Variants in ITIH4 observed in about 807,000 individuals in gnomAD.
The protein encoded by ITIH4 is inter-alpha-trypsin inhibitor heavy chain 4.
ITIH4 carries 79 observed loss-of-function variants against 111.8 expected under a neutral mutation model. The observed-to-expected ratio is 0.71, with a 90% CI of 0.59 to 0.85. The LOEUF (loss-of-function observed/expected upper bound fraction) is 0.85, where lower values mean the gene tolerates loss of function less well. Among genes scored for constraint, ITIH4 ranks in the 40% least tolerant of loss-of-function variants. ITIH4 has a pLI of 0.00. For synonymous variants in ITIH4, 472 were observed against 468.3 expected (o/e 1.01, Z -0.10); for missense variants, 1,065 against 1,195.8 (o/e 0.89, Z 1.61).
At chr3:52,813,597 G>C in intron 23 of ITIH4, 107 bp from the exon 24 acceptor site, 3 of 978,750 alleles carry the variant, frequency 3.1e-6, no homozygotes, top group Non-Finnish European at 3.3e-6. Context: ...GGGAGTCCTG[G>C]CGTCCCTTTA....
At chr3:52,822,829 C>T (rs1208869948) in intron 11 of ITIH4, among the ~76,000 whole-genome samples, 1 of 152,164 alleles carries the variant, frequency 6.6e-6, no homozygotes, top group East Asian at 1.9e-4. Context: ...ATTGCCCCAT[C>T]TGGACTCTTC....
chr3:52,824,731 C>T lies in ITIH4; in HGVS notation c.876+111G>A. 2.4e-6 allele frequency: 3 copies of T among 1,240,304 alleles called. No homozygotes were observed. Among genetic ancestry groups the T allele is most frequent in the Non-Finnish European group, 3.4e-6 (3 of 877,908 alleles). The allele number at this position is 1,240,304 out of a possible 1,614,324, so 76.8% of individuals were successfully genotyped here. Reference sequence around the variant, plus strand: ...GCCAACCTTGGTTCCTGAGAGCCACCCGCCCCATGGTGCCGAAAGGTGAAG... The same window carrying T: ...GCCAACCTTGGTTCCTGAGAGCCACTCGCCCCATGGTGCCGAAAGGTGAAG... On this transcript the variant is annotated intron_variant, in intron 7 of 23. Transcript: ENST00000266041. The surrounding 1 kb of genome is among the most constrained non-coding windows in gnomAD (Gnocchi z 4.3).
At chr3:52,822,723 G>A (rs954783422) in intron 11 of ITIH4, among the ~76,000 whole-genome samples, 9 of 152,176 alleles carry the variant, frequency 5.9e-5, no homozygotes, top group Non-Finnish European at 1.3e-4. Flanking sequence ...GACACTTGGG[G>A]ACTTGTCCTG....
chr3:52,814,660 C>G (rs943037353), intron 21 of ITIH4, among the ~76,000 whole-genome samples: 3 of 152,122 alleles, frequency 2.0e-5, no homozygotes, highest in African/African-American at 4.8e-5. Flanking sequence ...GATCTCAGCT[C>G]GTTGCAACCT....
intron 16 of ITIH4, 114 bp downstream of exon 16, chr3:52,819,640 C>T (rs753682154): frequency 4.6e-5 from 72 of 1,576,040 alleles, no homozygotes; most frequent in Middle Eastern, 4.0e-4. Context: ...TCCCCACACC[C>T]GGCCAACTTG....
At chr3:52,828,932 C>T (rs571403607) in intron 2 of ITIH4, among the ~76,000 whole-genome samples, 187 bp downstream of exon 2, 11 of 152,240 alleles carry the variant, frequency 7.2e-5, no homozygotes, top group African/African-American at 2.2e-4. Flanking sequence ...GAGGGAAGGA[C>T]GGGGGCATCT....
rs201386337 is a variant in ITIH4, at chr3:52,820,360, C to T, written c.1835-43G>A. ...AGAGAGAGAGACAGACAGACAGAGA[C>T]ACAGACAGACACCGTCAGGGTGGTT... On this transcript the variant is annotated intron_variant, in intron 13 of 23. Transcript: ENST00000266041. 71 of 1,590,216 alleles carry T rather than the reference C, an allele frequency of 4.5e-5. No individual in the cohort carries two copies. In the East Asian group the frequency reaches 1.4e-3, roughly 31 times the overall value.
In ITIH4 at chr3:52,830,447, T is replaced by G. The variant is rs776099897; in HGVS notation, c.90+106A>C. On this transcript the variant is annotated intron_variant, in intron 1 of 23. Coordinates refer to ENST00000266041, the MANE Select transcript of ITIH4 (RefSeq NM_002218.5). ...CACCATTTTTTTGCACACACAGGGA[T>G]GCACACGCACTTGTGCTGACACGCT... 4.6e-6 allele frequency: 5 copies of G among 1,079,410 alleles called. No individual in the cohort carries two copies. In the African/African-American group the frequency reaches 4.7e-5, roughly 10 times the overall value. 66.9% of individuals were successfully genotyped at this position (1,079,410 alleles called of 1,614,324 possible). A position where few individuals can be genotyped will look rare whatever the true frequency, so the allele number is the denominator to read the frequency against.
rs150383497 is a variant in ITIH4, at chr3:52,830,289, A to G, written c.90+264T>C. On this transcript the variant is annotated intron_variant, in intron 1 of 23. Transcript: ENST00000266041. ...ATAAATCATTCTCCTGAGGTCACTT[A>G]CTAAAAGGCGGTAGAGCCAGGCTTG... The G allele has an allele frequency of 2.2e-3, 1,157 of 537,598 alleles. 4 individuals are homozygous for G. Among genetic ancestry groups the G allele is most frequent in the Non-Finnish European group, 2.7e-3 (750 of 282,530 alleles). 33.3% of individuals were successfully genotyped at this position (537,598 alleles called of 1,614,324 possible). A position where few individuals can be genotyped will look rare whatever the true frequency, so the allele number is the denominator to read the frequency against.
intron 22 of ITIH4, 66 bp downstream of exon 22, chr3:52,814,141 GGC>G: frequency 6.2e-7 from 1 of 1,601,078 alleles, no homozygotes; most frequent in Non-Finnish European, 8.5e-7. Flanking sequence ...GCAGGGGAGG[GGC>G]GCTGCCTGTT....
chr3:52,825,017 T>G, intron 6 of ITIH4, 59 bp from the exon 7 acceptor site: 1 of 1,175,252 alleles, frequency 8.5e-7, no homozygotes, highest in Non-Finnish European at 1.2e-6. Context: ...CTATCCCCAT[T>G]CAGCCCCTTT....
intron 21 of ITIH4, among the ~76,000 whole-genome samples, chr3:52,816,270 CAA>C (rs1313313181): frequency 6.6e-6 from 1 of 152,198 alleles, no homozygotes; most frequent in Non-Finnish European, 1.5e-5. Context: ...CTCCCTCACC[CAA>C]AAGAGGTGGC....
chr3:52,820,516 G>C (rs879717225), intron 13 of ITIH4, 115 bp downstream of exon 13: 12 of 1,318,652 alleles, frequency 9.1e-6, no homozygotes, highest in Admixed American at 4.2e-5. Flanking sequence ...AATCTCCCAG[G>C]GGGAGTCTGT....
chr3:52,820,187 G>T, intron 14 of ITIH4, 104 bp downstream of exon 14: 1 of 1,492,524 alleles, frequency 6.7e-7, no homozygotes, highest in South Asian at 1.2e-5. Context: ...GGAGAGGCCT[G>T]GGTGGACCTG....
Position 52,813,245 on chromosome 3 carries a change from C to T in ITIH4, c.*176G>A. The T allele has an allele frequency of 1.6e-6, 1 of 634,040 alleles. No homozygotes were observed. The allele number at this position is 634,040 out of a possible 1,614,324, so 39.3% of individuals were successfully genotyped here. ...TAAGGTTCAGGATGCGAGGTTGAGG[C>T]CCTAGGATTTGGCCACATGGAACTG... On this transcript the variant is annotated 3_prime_UTR_variant, in exon 24 of 24. Coordinates refer to ENST00000266041, the MANE Select transcript of ITIH4 (RefSeq NM_002218.5).
In ITIH4 at chr3:52,816,889, C is replaced by T. The variant is rs769665226; in HGVS notation, c.2466G>A (p.Met822Ile). The T allele has an allele frequency of 2.5e-5, 41 of 1,613,260 alleles. No individual in the cohort carries two copies. The highest frequency in any genetic ancestry group is 2.8e-5 in the Non-Finnish European group (33 of 1,179,646). Residue 822 changes from methionine (M) to isoleucine (I), a missense_variant, in exon 21 of 24, where the codon ATG becomes ATA. Met to Ile is a conservative substitution (Grantham distance 10). Coordinates refer to ENST00000266041, the MANE Select transcript of ITIH4 (RefSeq NM_002218.5). ...YKWKETLFSV[M>I]PGLKMTMDKT... The stretch of plus-strand genomic sequence containing the variant: ...GGCTCCAGCCTGGGCCTTACCCGGG[C>T]ATCACTGAGAATAGCGTCTCCTTCC...
At position 52,824,353 on chromosome 3, in the gene ITIH4, G is replaced by C; in HGVS notation, c.1046-38C>G. 6.2e-7 allele frequency: 1 copy of C among 1,611,932 alleles called. No homozygotes were observed. Among genetic ancestry groups the C allele is most frequent in the Non-Finnish European group, 8.5e-7 (1 of 1,178,316 alleles). ...CACTCTCAAGGTGGTCCCCAGCCAG[G>C]AGCCCTGGAAGCCCCCACCCTGCAG... On this transcript the variant is annotated intron_variant, in intron 8 of 23. Coordinates refer to ENST00000266041, the MANE Select transcript of ITIH4 (RefSeq NM_002218.5). This position sits in a 1 kb window ranked among gnomAD's most constrained non-coding sequence, Gnocchi z 4.3.
Position 52,819,747 on chromosome 3 carries a change from A to T in ITIH4, c.1951+7T>A. The T allele has an allele frequency of 3.7e-6, 6 of 1,613,970 alleles. No individual in the cohort carries two copies. Among genetic ancestry groups the T allele is most frequent in the Non-Finnish European group, 5.1e-6 (6 of 1,179,908 alleles). The stretch of plus-strand genomic sequence containing the variant: ...ATGCCTCCCCCTGGCAGAAACCCTC[A>T]AACTACCTTGTCTATTCCATCCTCT... On this transcript the variant is annotated splice_region_variant and intron_variant, in intron 16 of 23. Coordinates refer to ENST00000266041, the MANE Select transcript of ITIH4 (RefSeq NM_002218.5).
At chr3:52,818,585 G>A (rs1340661334) in intron 17 of ITIH4, 49 bp from the exon 18 acceptor site, 1 of 1,517,164 alleles carries the variant, frequency 6.6e-7, no homozygotes. Context: ...AGGCAGTCAG[G>A]AGGCGGGCAA....
Sources: gnomAD v4.1 joint callset for allele counts (sites outside exome capture counted in the v4.1 genomes callset) on GRCh38, gnomAD v4.1.1 for gene constraint, Gnocchi (gnomAD v3.1) non-coding constraint, MANE v1.5 for transcripts, NCBI Gene and HGNC (gene_info 2026-07-23, HGNC 2026-07-21) for gene names.